Variants in ANXA8 observed in about 807,000 individuals in gnomAD.
The protein encoded by ANXA8 is VAC-beta.
A neutral mutation model predicts 26.8 loss-of-function variants in ANXA8; 9 were observed. The ratio of observed to expected loss-of-function variants is 0.34; its 90% CI spans 0.20 to 0.59. The LOEUF is 0.59. Among genes scored for constraint, ANXA8 ranks in the 20% least tolerant of loss-of-function variants. The pLI, the probability that ANXA8 is intolerant of heterozygous loss-of-function variation, is 0.84. For synonymous variants in ANXA8, 39 were observed against 94.8 expected (o/e 0.41, Z 3.42); for missense variants, 83 against 238.5 (o/e 0.35, Z 4.29).
At chr10:47,705,160 G>A in the ANXA8 span, among the ~76,000 whole-genome samples, 1 of 151,528 alleles carries the variant, frequency 6.6e-6, no homozygotes, top group Admixed American at 6.6e-5. Context: ...AAGAAGAAAA[G>A]CAGGGAAGAA....
chr10:47,480,766 A>G (rs1657646585), intron 1 of ANXA8, among the ~76,000 whole-genome samples: 1 of 104,504 alleles, frequency 9.6e-6, no homozygotes, highest in African/African-American at 3.7e-5. Context: ...CATCACCTCC[A>G]TCATCTGCCC....
At chr10:47,714,158 A>G in the ANXA8 span, among the ~76,000 whole-genome samples, 2 of 79,706 alleles carry the variant, frequency 2.5e-5, no homozygotes, top group African/African-American at 5.1e-5. Context: ...TATGGCTGCT[A>G]TATGTTTATT....
chr10:47,554,726 A>G, the ANXA8 span, among the ~76,000 whole-genome samples: 1 of 151,164 alleles, frequency 6.6e-6, no homozygotes, highest in East Asian at 1.9e-4. Flanking sequence ...TGTCACAGTG[A>G]CCTTGTTATC....
At chr10:47,658,833 G>T in the ANXA8 span, among the ~76,000 whole-genome samples, 5 of 137,282 alleles carry the variant, frequency 3.6e-5, no homozygotes, top group Admixed American at 3.5e-4. Flanking sequence ...AAGTGTTGAG[G>T]TTTTTATTTA....
the ANXA8 span, chr10:47,501,945 T>C: frequency 8.3e-7 from 1 of 1,198,982 alleles, no homozygotes; most frequent in East Asian, 2.8e-5. Context: ...GTGTATTTAC[T>C]TAGTTTACGA....
At chr10:47,628,238 G>C in the ANXA8 span, among the ~76,000 whole-genome samples, 2 of 152,028 alleles carry the variant, frequency 1.3e-5, no homozygotes, top group Non-Finnish European at 1.5e-5. Flanking sequence ...TTTATTTTTA[G>C]GCTTTCTGAA....
At chr10:47,742,794 T>C in the ANXA8 span, among the ~76,000 whole-genome samples, 4 of 130,104 alleles carry the variant, frequency 3.1e-5, no homozygotes, top group Admixed American at 8.1e-5. Flanking sequence ...CAGAAGTACA[T>C]ACCATGTGAA....
At chr10:47,616,132 A>G in the ANXA8 span, among the ~76,000 whole-genome samples, 1 of 69,110 alleles carries the variant, frequency 1.4e-5, no homozygotes, top group Non-Finnish European at 3.5e-5. Flanking sequence ...TACAGCCAGG[A>G]GAGGGTGACA....
chr10:47,944,798 T>G, the ANXA8 span, among the ~76,000 whole-genome samples: 1 of 149,886 alleles, frequency 6.7e-6, no homozygotes, highest in South Asian at 2.1e-4. Flanking sequence ...TACCCAGTCT[T>G]GGATATGTCT....
At chr10:47,735,044 TAAAAA>T in the ANXA8 span, among the ~76,000 whole-genome samples, 2 of 144,064 alleles carry the variant, frequency 1.4e-5, no homozygotes, top group Admixed American at 7.0e-5. Flanking sequence ...ATTATAAACT[TAAAAA>T]AAAAACGTTT....
chr10:47,702,283 C>T, the ANXA8 span, among the ~76,000 whole-genome samples: 1 of 151,142 alleles, frequency 6.6e-6, no homozygotes, highest in Admixed American at 6.6e-5. Context: ...AGTTACTCCC[C>T]AGTAATAATG....
the ANXA8 span, among the ~76,000 whole-genome samples, chr10:47,653,978 G>A: frequency 6.6e-6 from 1 of 150,868 alleles, no homozygotes; most frequent in African/African-American, 2.5e-5. Flanking sequence ...GAATGGGTAG[G>A]AACACCTAGG....
the ANXA8 span, among the ~76,000 whole-genome samples, chr10:47,681,423 G>A: frequency 6.6e-6 from 1 of 150,690 alleles, no homozygotes; most frequent in East Asian, 1.9e-4. Context: ...TGGGAGGTGG[G>A]TGGAGATGAA....
the ANXA8 span, chr10:47,761,630 AC>A: frequency 2.1e-6 from 3 of 1,422,992 alleles, no homozygotes; most frequent in Non-Finnish European, 1.9e-6. Flanking sequence ...GCCCCCAATC[AC>A]CAGGGCCAGC....
the ANXA8 span, among the ~76,000 whole-genome samples, chr10:47,533,185 T>TCACACACACACACACACACA: frequency 2.9e-5 from 3 of 102,390 alleles, no homozygotes; most frequent in African/African-American, 1.2e-4. Flanking sequence ...TAAACACACA[T>TCACACACACACACACACACA]CACACACACA....
chr10:47,698,913 C>G, the ANXA8 span, among the ~76,000 whole-genome samples: 8 of 151,538 alleles, frequency 5.3e-5, no homozygotes, highest in Non-Finnish European at 8.8e-5. Flanking sequence ...AAAATAGATA[C>G]TTAGTCCTAA....
the ANXA8 span, among the ~76,000 whole-genome samples, chr10:47,603,698 A>G: frequency 9.5e-5 from 14 of 147,790 alleles, no homozygotes; most frequent in Non-Finnish European, 1.5e-4. Context: ...TTTATTAGAG[A>G]CGGGGTTTCA....
the ANXA8 span, chr10:47,759,928 CT>C: frequency 7.8e-6 from 12 of 1,533,786 alleles, no homozygotes; most frequent in Admixed American, 1.0e-4. Context: ...CATGCATCTC[CT>C]ATGACAGAGG....
At chr10:47,507,890 T>C in the ANXA8 span, among the ~76,000 whole-genome samples, 1 of 96,826 alleles carries the variant, frequency 1.0e-5, no homozygotes, top group Non-Finnish European at 2.0e-5. Flanking sequence ...ATGCGATTTA[T>C]TTTATGTATT....
Sources: gnomAD v4.1 joint callset for allele counts (sites outside exome capture counted in the v4.1 genomes callset) on GRCh38, gnomAD v4.1.1 for gene constraint, MANE v1.5 for transcripts, NCBI Gene and HGNC (gene_info 2026-07-23, HGNC 2026-07-21) for gene names.